FOXO3: variants seen among roughly 807,000 people sequenced by gnomAD.
FOXO3 encodes forkhead box O3, also known as forkhead box protein O3.
In FOXO3, 4 loss-of-function variants were observed where a neutral mutation model predicts 41.9. The observed-to-expected ratio is 0.10, with a 90% CI of 0.05 to 0.22. The LOEUF is 0.22. FOXO3 is among the 10% of genes least tolerant of loss of function. The pLI is 1.00. For synonymous variants in FOXO3, 318 were observed against 389.3 expected, an observed-to-expected ratio of 0.82 and a Z score of 2.16; for missense variants, 534 against 906.8, an observed-to-expected ratio of 0.59 and a Z score of 5.28.
chr6:108,599,078 C>T (rs1327388141), intron 1 of FOXO3, among the ~76,000 whole-genome samples: 2 of 152,082 alleles, frequency 1.3e-5, no homozygotes, highest in African/African-American at 4.8e-5. Flanking sequence ...TGTTTTTATT[C>T]CTAGACCAGA....
At chr6:108,622,855 C>T (rs749853481) in intron 1 of FOXO3, among the ~76,000 whole-genome samples, 9 of 151,572 alleles carry the variant, frequency 5.9e-5, no homozygotes, top group African/African-American at 2.2e-4. Flanking sequence ...CCGGGCCTCC[C>T]GTGTGCTGTG....
chr6:108,609,560 C>T (rs1392005872), intron 1 of FOXO3, among the ~76,000 whole-genome samples: 1 of 152,124 alleles, frequency 6.6e-6, no homozygotes, highest in Non-Finnish European at 1.5e-5. Flanking sequence ...ATTGAGGTTG[C>T]AGGTGGTATT....
chr6:108,584,323 A>T (rs1014438391), intron 1 of FOXO3, among the ~76,000 whole-genome samples: 2 of 152,168 alleles, frequency 1.3e-5, no homozygotes, highest in Non-Finnish European at 2.9e-5. Context: ...TTCACCTTTG[A>T]TAATGAAATT....
intron 1 of FOXO3, among the ~76,000 whole-genome samples, chr6:108,596,382 G>GAAAAAAAAAAAAAAAAAAAAAAA (rs61683111): frequency 1.7e-5 from 1 of 58,294 alleles, no homozygotes; most frequent in Non-Finnish European, 3.6e-5. Context: ...TGGCCTAAAT[G>GAAAAAAAAAAAAAAAAAAAAAAA]AAAAAAAAAA....
At chr6:108,579,902 T>A (rs186702186) in intron 1 of FOXO3, among the ~76,000 whole-genome samples, 2 of 152,240 alleles carry the variant, frequency 1.3e-5, no homozygotes, top group Admixed American at 1.3e-4. Flanking sequence ...TTAAGGAGGC[T>A]ATAGAGGAGG....
intron 1 of FOXO3, among the ~76,000 whole-genome samples, chr6:108,643,295 T>C (rs549807709): frequency 6.6e-6 from 1 of 152,174 alleles, no homozygotes; most frequent in Non-Finnish European, 1.5e-5. Context: ...TTTCAGACTT[T>C]AGTGCAAATT....
intron 1 of FOXO3, among the ~76,000 whole-genome samples, chr6:108,637,242 C>T (rs976705949): frequency 2.6e-5 from 4 of 152,084 alleles, no homozygotes; most frequent in Admixed American, 6.6e-5. Context: ...GAAAAAATTG[C>T]GTTACATTTA....
chr6:108,590,556 C>T (rs1277573167), intron 1 of FOXO3, among the ~76,000 whole-genome samples: 1 of 152,084 alleles, frequency 6.6e-6, no homozygotes, highest in East Asian at 1.9e-4. Context: ...TGGGTCGTAT[C>T]CCTAAGATAT....
intron 1 of FOXO3, among the ~76,000 whole-genome samples, chr6:108,656,134 TC>T (rs1778680174): frequency 1.3e-5 from 1 of 76,104 alleles, no homozygotes; most frequent in African/African-American, 5.0e-5. Context: ...CCACCCCACC[TC>T]AAAAAAAAAA....
At chr6:108,635,448 C>G (rs1210699657) in intron 1 of FOXO3, among the ~76,000 whole-genome samples, 1 of 152,112 alleles carries the variant, frequency 6.6e-6, no homozygotes, top group Admixed American at 6.5e-5. Context: ...TTTTTTGAAG[C>G]AAATACGGCA....
At chr6:108,600,084 G>C (rs1392942272) in intron 1 of FOXO3, among the ~76,000 whole-genome samples, 1 of 152,162 alleles carries the variant, frequency 6.6e-6, no homozygotes, top group Non-Finnish European at 1.5e-5. Flanking sequence ...CCTGCAGTTA[G>C]AAGTCGAACA....
intron 1 of FOXO3, among the ~76,000 whole-genome samples, chr6:108,612,273 A>C (rs1295247834): frequency 6.6e-6 from 1 of 152,200 alleles, no homozygotes; most frequent in Non-Finnish European, 1.5e-5. Context: ...AATATAATTA[A>C]TTGGGTTTTG....
intron 1 of FOXO3, among the ~76,000 whole-genome samples, chr6:108,592,446 G>A (rs1280702858): frequency 2.0e-5 from 3 of 152,024 alleles, no homozygotes; most frequent in South Asian, 4.1e-4. Context: ...TCCTTTATTC[G>A]TCATCACTTA....
In FOXO3 at chr6:108,565,475, G is replaced by A. The variant is rs115409503; in HGVS notation, c.621+3646G>A. Reference sequence around the variant, plus strand: ...CCTCTTGTCTTGGGGAGACCTCTAAGGACGCCAGGGCTTACCTGGTAAGGC... The same window carrying A: ...CCTCTTGTCTTGGGGAGACCTCTAAAGACGCCAGGGCTTACCTGGTAAGGC... On this transcript the variant is annotated intron_variant, in intron 1 of 2. Coordinates refer to ENST00000406360, the MANE Select transcript of FOXO3 (RefSeq NM_001455.4). 9.3e-3 allele frequency among the ~76,000 whole-genome samples: 1,413 copies of A among 152,272 alleles called. 23 individuals are homozygous for A. Among genetic ancestry groups the A allele is most frequent in the African/African-American group, 0.032 (1,340 of 41,530 alleles).
intron 1 of FOXO3, among the ~76,000 whole-genome samples, chr6:108,614,309 CTTCAA>C (rs1010380875): frequency 4.6e-5 from 7 of 152,098 alleles, no homozygotes; most frequent in Non-Finnish European, 8.8e-5. Context: ...GATTTGTCTA[CTTCAA>C]TTCTATTAGA....
chr6:108,644,520 C>T (rs1339094445), intron 1 of FOXO3, among the ~76,000 whole-genome samples: 2 of 152,066 alleles, frequency 1.3e-5, no homozygotes, highest in East Asian at 3.9e-4. Flanking sequence ...CTCCTTTCTC[C>T]TTGAAGCACT....
rs374669492 is a variant in FOXO3 at position 108,572,233 on chromosome 6, G to T, written c.621+10404G>T. On this transcript the variant is annotated intron_variant, in intron 1 of 2. Coordinates refer to ENST00000406360, the MANE Select transcript of FOXO3 (RefSeq NM_001455.4). Reference sequence around the variant, plus strand: ...GTCTTTGAGGGGAGGGGAGGGAGAAGCCAAGGATCCTCAGTGGAAGAATAG... The same window carrying T: ...GTCTTTGAGGGGAGGGGAGGGAGAATCCAAGGATCCTCAGTGGAAGAATAG... Among the ~76,000 whole-genome samples the T allele has an allele frequency of 5.9e-5, 9 of 152,284 alleles. No individual in the cohort carries two copies. In the East Asian group the frequency reaches 7.7e-4, roughly 13 times the overall value.
chr6:108,600,338 G>A (rs1385844800), intron 1 of FOXO3, among the ~76,000 whole-genome samples: 1 of 151,930 alleles, frequency 6.6e-6, no homozygotes, highest in Non-Finnish European at 1.5e-5. Flanking sequence ...CCGAGGTCAG[G>A]AATTCAAGAC....
rs146195244 is a variant in FOXO3, at chr6:108,638,889, A to G, written c.622-24566A>G. Among the ~76,000 whole-genome samples, 1,426 of 152,270 alleles carry G rather than the reference A, an allele frequency of 9.4e-3. 24 individuals are homozygous for G. Among genetic ancestry groups the G allele is most frequent in the African/African-American group, 0.032 (1,318 of 41,544 alleles). ...TTCTCTCATCCTCAAGTTATTCCTGAAGTTCTGTTAATAAAATCTACAGTC... is the reference window on the plus strand; with the variant it reads ...TTCTCTCATCCTCAAGTTATTCCTGGAGTTCTGTTAATAAAATCTACAGTC... On this transcript the variant is annotated intron_variant, in intron 1 of 2. Transcript: ENST00000406360.
Sources: allele counts gnomAD v4.1 joint callset (sites outside exome capture counted in the v4.1 genomes callset), GRCh38; gene constraint gnomAD v4.1.1; transcripts MANE v1.5; gene names NCBI Gene and HGNC (gene_info 2026-07-23, HGNC 2026-07-21).